GLI2: variants seen among roughly 807,000 people sequenced by gnomAD.
GLI2 encodes transcription activator GLI2.
Under a neutral mutation model 78.9 loss-of-function variants are expected in GLI2, and 22 were observed. That is an observed-to-expected ratio of 0.28 (90% CI 0.20 to 0.40). GLI2 has a LOEUF of 0.40. Ranked by LOEUF, GLI2 falls within the 10% of genes least tolerant of loss-of-function variation. GLI2 has a pLI of 1.00. For synonymous variants in GLI2, 974 were observed against 963.7 expected, an observed-to-expected ratio of 1.01 and a Z score of -0.20; for missense variants, 2,097 against 2,213.2, an observed-to-expected ratio of 0.95 and a Z score of 1.05.
chr2:120,980,814 G>C (rs1573722558), intron 10 of GLI2, among the ~76,000 whole-genome samples: 1 of 151,982 alleles, frequency 6.6e-6, no homozygotes. Context: ...ATTAAAAAAA[G>C]AATATATGTG....
intron 8 of GLI2, among the ~76,000 whole-genome samples, chr2:120,973,817 T>C (rs192166115): frequency 2.1e-3 from 320 of 152,066 alleles, no homozygotes; most frequent in African/African-American, 7.2e-3. Flanking sequence ...TCGGAAGAGG[T>C]CTTTGCAGCT....
At chr2:120,962,839 T>C (rs531557328) in intron 5 of GLI2, among the ~76,000 whole-genome samples, 3 of 152,354 alleles carry the variant, frequency 2.0e-5, no homozygotes, top group South Asian at 4.1e-4. Flanking sequence ...ATCCAAATAT[T>C]AGCGGCAGAT....
In GLI2 at chr2:120,992,048, ACACC is replaced by A. The variant is rs1359266268; in HGVS notation, c.*1375_*1378del. On this transcript the variant is annotated 3_prime_UTR_variant, in exon 14 of 14. Transcript: ENST00000361492. ...CACACACACACACACACACACACAC[ACACC>A]CCAAACCTTTTCATGGGGAATGTGT... The A allele has an allele frequency of 6.1e-5, 9 of 147,514 alleles. No homozygotes were observed. The highest frequency in any genetic ancestry group is 2.1e-4 in the African/African-American group (8 of 37,980). The allele number at this position is 147,514 out of a possible 1,614,324, so 9.1% of individuals were successfully genotyped here.
At chr2:120,806,436 G>C (rs987558308) in intron 2 of GLI2, among the ~76,000 whole-genome samples, 3 of 152,176 alleles carry the variant, frequency 2.0e-5, no homozygotes, top group African/African-American at 7.2e-5. Flanking sequence ...CCTGCCCATA[G>C]GGCTTCACGG....
At chr2:120,785,791 C>T (rs1683980643) in intron 1 of GLI2, among the ~76,000 whole-genome samples, 2 of 152,206 alleles carry the variant, frequency 1.3e-5, no homozygotes, top group Non-Finnish European at 2.9e-5. Context: ...ACTGTACTCC[C>T]TGGGGGTCCA....
intron 3 of GLI2, among the ~76,000 whole-genome samples, chr2:120,944,143 A>G (rs576339022): frequency 1.3e-5 from 2 of 152,302 alleles, no homozygotes; most frequent in East Asian, 3.9e-4. Flanking sequence ...TGAGTTACAC[A>G]TGGCTGTGCA....
intron 11 of GLI2, among the ~76,000 whole-genome samples, chr2:120,983,946 G>GGGGT (rs112474343): frequency 2.4e-4 from 35 of 143,212 alleles, no homozygotes; most frequent in African/African-American, 9.1e-4. Flanking sequence ...TGGTGTGTGG[G>GGGGT]GTGTGTGTGT....
rs1683301986 is a variant in GLI2, at chr2:120,991,731, A to G, written c.*1056A>G. 6.5e-6 allele frequency: 1 copy of G among 152,754 alleles called. No homozygotes were observed. Among genetic ancestry groups the G allele is most frequent in the African/African-American group, 2.4e-5 (1 of 41,442 alleles). 9.5% of individuals were successfully genotyped at this position (152,754 alleles called of 1,614,324 possible). ...GTCCCCCAGCACTCACCAGCAGCCCAGTGTTCTCCACCAAGCCACAGTGTG... is the reference window on the plus strand; with the variant it reads ...GTCCCCCAGCACTCACCAGCAGCCCGGTGTTCTCCACCAAGCCACAGTGTG... On this transcript the variant is annotated 3_prime_UTR_variant, in exon 14 of 14. Coordinates refer to ENST00000361492, the MANE Select transcript of GLI2 (RefSeq NM_001374353.1).
chr2:120,955,772 C>T (rs746910097), intron 5 of GLI2, among the ~76,000 whole-genome samples: 39 of 151,894 alleles, frequency 2.6e-4, no homozygotes, highest in Admixed American at 1.6e-3. Context: ...GCGGGGGGAG[C>T]GAGCACTGGG....
chr2:120,967,936 C>T (rs189856759), intron 5 of GLI2, among the ~76,000 whole-genome samples: 51 of 152,306 alleles, frequency 3.3e-4, no homozygotes, highest in African/African-American at 1.0e-3. Context: ...CCAGACATTG[C>T]GAAGAGTCTG....
At chr2:120,773,152 C>T (rs1683569894) in intron 1 of GLI2, among the ~76,000 whole-genome samples, 1 of 152,070 alleles carries the variant, frequency 6.6e-6, no homozygotes, top group Non-Finnish European at 1.5e-5. Context: ...CTTTTGAGGT[C>T]CCTGTGGAGT....
chr2:120,739,029 G>C (rs1247151329), intron 1 of GLI2, among the ~76,000 whole-genome samples: 1 of 152,202 alleles, frequency 6.6e-6, no homozygotes, highest in Non-Finnish European at 1.5e-5. Context: ...GGTCAGAAGA[G>C]GGGGCCGCAG....
chr2:120,759,467 G>A (rs550656863), intron 1 of GLI2, among the ~76,000 whole-genome samples: 1 of 152,318 alleles, frequency 6.6e-6, no homozygotes, highest in South Asian at 2.1e-4. Context: ...TGCTAGAACA[G>A]CTCACAGAAC....
At chr2:120,923,024 C>T (rs1679458393) in intron 2 of GLI2, among the ~76,000 whole-genome samples, 1 of 152,054 alleles carries the variant, frequency 6.6e-6, no homozygotes, top group Non-Finnish European at 1.5e-5. Flanking sequence ...GCCCCTCCTC[C>T]AACACACACC....
intron 2 of GLI2, among the ~76,000 whole-genome samples, chr2:120,848,888 A>G (rs1687252817): frequency 6.6e-6 from 1 of 152,200 alleles, no homozygotes; most frequent in Non-Finnish European, 1.5e-5. Context: ...TGTGACAAGG[A>G]CAGGTCTGCA....
At chr2:120,857,194 A>G (rs1237167638) in intron 2 of GLI2, among the ~76,000 whole-genome samples, 2 of 152,126 alleles carry the variant, frequency 1.3e-5, no homozygotes, top group South Asian at 2.1e-4. Context: ...TGAAATGGCT[A>G]TGGAGGAAAG....
chr2:120,964,634 C>T (rs1462420600), intron 5 of GLI2, among the ~76,000 whole-genome samples: 4 of 152,222 alleles, frequency 2.6e-5, no homozygotes, highest in Non-Finnish European at 5.9e-5. Context: ...AAGTAGCAGG[C>T]ACGTGCTGTA....
At chr2:120,861,340 G>T (rs1573496424) in intron 2 of GLI2, among the ~76,000 whole-genome samples, 1 of 152,226 alleles carries the variant, frequency 6.6e-6, no homozygotes, top group African/African-American at 2.4e-5. Context: ...CATGAGAGAA[G>T]CTCAGCAGGC....
At chr2:120,837,421 A>G (rs113608417) in intron 2 of GLI2, among the ~76,000 whole-genome samples, 2,258 of 150,908 alleles carry the variant, frequency 0.015, 54 homozygotes, top group African/African-American at 0.05. Flanking sequence ...AAAAGTCTTA[A>G]TCTTGTTTAG....
Sources: gnomAD v4.1 joint callset for allele counts (sites outside exome capture counted in the v4.1 genomes callset) on GRCh38, gnomAD v4.1.1 for gene constraint, MANE v1.5 for transcripts, NCBI Gene and HGNC (gene_info 2026-07-23, HGNC 2026-07-21) for gene names.